SGCZ: variants seen among roughly 807,000 people sequenced by gnomAD.
SGCZ encodes the protein sarcoglycan zeta, also known as zeta-sarcoglycan.
SGCZ carries 40 observed loss-of-function variants against 41.3 expected under a neutral mutation model. That is an observed-to-expected ratio of 0.97 (90% confidence interval 0.75 to 1.26). The LOEUF (loss-of-function observed/expected upper bound fraction) is 1.26, where lower values mean the gene tolerates loss of function less well. SGCZ is among the 50% of genes most tolerant of loss of function. The pLI is 0.00. For missense variants in SGCZ, 552 were observed against 369.8 expected (o/e 1.49, Z -4.04); for synonymous variants, 206 against 137.5 (o/e 1.50, Z -3.49).
At chr8:14,251,138 G>C (rs188404073) in intron 3 of SGCZ, among the ~76,000 whole-genome samples, 3 of 152,128 alleles carry the variant, frequency 2.0e-5, no homozygotes, top group African/African-American at 7.2e-5. Context: ...CAAGGCAAGA[G>C]AATTGCTTGA....
At chr8:14,387,071 T>A (rs1002373162) in intron 2 of SGCZ, among the ~76,000 whole-genome samples, 2 of 152,208 alleles carry the variant, frequency 1.3e-5, no homozygotes, top group Non-Finnish European at 2.9e-5. Flanking sequence ...TATGTTTGTT[T>A]GCTTTTTTAT....
At chr8:14,472,464 C>T (rs999002731) in intron 2 of SGCZ, among the ~76,000 whole-genome samples, 2 of 152,024 alleles carry the variant, frequency 1.3e-5, no homozygotes, top group African/African-American at 2.4e-5. Flanking sequence ...TTTATATATT[C>T]ACTTTGTACT....
chr8:14,577,026 T>C (rs1051573861), intron 1 of SGCZ, among the ~76,000 whole-genome samples: 5 of 152,228 alleles, frequency 3.3e-5, no homozygotes, highest in Admixed American at 2.6e-4. Context: ...TATGAAAATA[T>C]CTAAACTGTA....
At chr8:14,903,447 G>A (rs532654493) in intron 1 of SGCZ, among the ~76,000 whole-genome samples, 6 of 151,758 alleles carry the variant, frequency 4.0e-5, no homozygotes, top group Non-Finnish European at 8.8e-5. Flanking sequence ...TTGAAATCCT[G>A]AAAAAACAAA....
At chr8:14,196,961 A>G (rs562208273) in intron 4 of SGCZ, among the ~76,000 whole-genome samples, 1 of 152,302 alleles carries the variant, frequency 6.6e-6, no homozygotes, top group East Asian at 1.9e-4. Context: ...CATATAGGAC[A>G]GGAAAATGAC....
At chr8:14,853,662 C>A (rs180935662) in intron 1 of SGCZ, among the ~76,000 whole-genome samples, 3 of 152,252 alleles carry the variant, frequency 2.0e-5, no homozygotes, top group Admixed American at 2.0e-4. Context: ...CAATCATTGG[C>A]AGTTCCTAGA....
intron 1 of SGCZ, among the ~76,000 whole-genome samples, chr8:14,647,527 T>C (rs1482742766): frequency 6.6e-6 from 1 of 151,990 alleles, no homozygotes; most frequent in Non-Finnish European, 1.5e-5. Flanking sequence ...CCTTCTCCCT[T>C]TCTCTTTCTC....
intron 1 of SGCZ, among the ~76,000 whole-genome samples, chr8:14,676,155 T>C (rs1338787091): frequency 6.6e-6 from 1 of 152,194 alleles, no homozygotes; most frequent in Non-Finnish European, 1.5e-5. Context: ...TAACACATGA[T>C]ATAATGTTGA....
At chr8:14,509,499 T>G (rs1802406909) in intron 2 of SGCZ, among the ~76,000 whole-genome samples, 1 of 152,178 alleles carries the variant, frequency 6.6e-6, no homozygotes, top group Admixed American at 6.6e-5. Flanking sequence ...CTGATTAATC[T>G]GCTGAAGAAT....
intron 1 of SGCZ, among the ~76,000 whole-genome samples, chr8:14,909,054 T>C (rs964473193): frequency 1.3e-5 from 2 of 152,190 alleles, no homozygotes; most frequent in African/African-American, 4.8e-5. Flanking sequence ...TTTTCCAAAA[T>C]TATTAAGCAG....
At chr8:14,270,455 G>A (rs928064803) in intron 3 of SGCZ, among the ~76,000 whole-genome samples, 4 of 152,122 alleles carry the variant, frequency 2.6e-5, no homozygotes, top group Admixed American at 6.5e-5. Context: ...ATTTTAAAAT[G>A]AACCGATACG....
At chr8:15,232,641 ATG>A (rs1357415356) in intron 1 of SGCZ, among the ~76,000 whole-genome samples, 4 of 147,702 alleles carry the variant, frequency 2.7e-5, no homozygotes, top group Non-Finnish European at 6.0e-5. Context: ...ATGGGTATAT[ATG>A]TGTGTGTATA....
intron 2 of SGCZ, among the ~76,000 whole-genome samples, chr8:14,453,360 G>A (rs1026457029): frequency 1.3e-5 from 2 of 151,962 alleles, no homozygotes; most frequent in Non-Finnish European, 2.9e-5. Flanking sequence ...TTACTTTCTG[G>A]AATATTTGCA....
At chr8:14,549,883 T>C (rs373963872) in intron 2 of SGCZ, among the ~76,000 whole-genome samples, 7 of 152,112 alleles carry the variant, frequency 4.6e-5, no homozygotes, top group African/African-American at 1.4e-4. Context: ...GGTAACAAGT[T>C]AGTTTAGATG....
At chr8:14,524,740 C>T (rs1802889063) in intron 2 of SGCZ, among the ~76,000 whole-genome samples, 1 of 152,026 alleles carries the variant, frequency 6.6e-6, no homozygotes. Context: ...TACTTAGTGG[C>T]AGGAATAAGG....
chr8:14,848,572 C>A (rs1029685868), intron 1 of SGCZ, among the ~76,000 whole-genome samples: 12 of 152,102 alleles, frequency 7.9e-5, no homozygotes, highest in Non-Finnish European at 1.6e-4. Context: ...AAATTTCTTG[C>A]AAAGATGCAA....
intron 1 of SGCZ, among the ~76,000 whole-genome samples, chr8:14,880,901 A>G (rs1413154357): frequency 1.3e-5 from 2 of 152,108 alleles, no homozygotes; most frequent in African/African-American, 4.8e-5. Flanking sequence ...ACATGTATAC[A>G]TATGTAACAA....
At chr8:14,416,618 G>A (rs1210683231) in intron 2 of SGCZ, among the ~76,000 whole-genome samples, 1 of 151,772 alleles carries the variant, frequency 6.6e-6, no homozygotes, top group Non-Finnish European at 1.5e-5. Flanking sequence ...GTCAATACTG[G>A]TAAATTTTAA....
At chr8:14,114,104 C>G (rs1021743060) in intron 5 of SGCZ, among the ~76,000 whole-genome samples, 1 of 152,032 alleles carries the variant, frequency 6.6e-6, no homozygotes, top group East Asian at 1.9e-4. Context: ...TAACTTACGA[C>G]TTTCTTGAAG....
Sources: gnomAD v4.1 joint callset for allele counts (sites outside exome capture counted in the v4.1 genomes callset) on GRCh38, gnomAD v4.1.1 for gene constraint, MANE v1.5 for transcripts, NCBI Gene and HGNC (gene_info 2026-07-23, HGNC 2026-07-21) for gene names.